The following SAMD5 variants were observed in gnomAD, a reference collection of about 807,000 sequenced individuals.
SAMD5 encodes sterile alpha motif domain containing 5, also known as sterile alpha motif domain-containing protein 5.
SAMD5 carries 13 observed loss-of-function variants against 11.3 expected under a neutral mutation model. The ratio of observed to expected loss-of-function variants is 1.15; its 90% CI spans 0.75 to 1.83. SAMD5 has a LOEUF of 1.83. Ranked by LOEUF, SAMD5 falls within the 40% of genes most tolerant of loss-of-function variation. The probability of loss-of-function intolerance (pLI) is 0.00; values close to 1 mark genes in which losing one functional copy is unlikely to be tolerated. For synonymous variants in SAMD5, 129 were observed against 111.3 expected, an observed-to-expected ratio of 1.16 and a Z score of -1.00; for missense variants, 255 against 239.1, an observed-to-expected ratio of 1.07 and a Z score of -0.44.
rs1420315417 is a variant in SAMD5 at position 147,566,434 on chromosome 6, G to A, written c.*1978G>A. 2 of 985,232 alleles carry A rather than the reference G, an allele frequency of 2.0e-6. No homozygotes were observed. Among genetic ancestry groups the A allele is most frequent in the African/African-American group, 1.7e-5 (1 of 57,182 alleles). 61.0% of individuals were successfully genotyped at this position (985,232 alleles called of 1,614,324 possible). A position where few individuals can be genotyped will look rare whatever the true frequency, so the allele number is the denominator to read the frequency against. ...GACCTCATTTCCAGGTGTCGCATCC[G>A]TGGCTGATTTATTTCACAGATGTAC... On this transcript the variant is annotated 3_prime_UTR_variant, in exon 2 of 2. Coordinates refer to ENST00000367474, the MANE Select transcript of SAMD5 (RefSeq NM_001030060.3).
At chr6:147,589,576 C>T (rs1335494147) in intron 1 of SAMD5, among the ~76,000 whole-genome samples, 2 of 152,164 alleles carry the variant, frequency 1.3e-5, no homozygotes, top group Non-Finnish European at 2.9e-5. Context: ...CTCATCTGAG[C>T]ACAGGGGAAT....
At chr6:147,808,188 T>G in the SAMD5 span, among the ~76,000 whole-genome samples, 1 of 152,190 alleles carries the variant, frequency 6.6e-6, no homozygotes, top group African/African-American at 2.4e-5. Flanking sequence ...ATAAATTTGG[T>G]CTTGCATTTC....
the SAMD5 span, among the ~76,000 whole-genome samples, chr6:147,744,757 G>A: frequency 1.3e-5 from 2 of 152,088 alleles, no homozygotes; most frequent in Non-Finnish European, 2.9e-5. Context: ...ATTTAGCTGG[G>A]TGTAGTGGCA....
chr6:147,798,827 C>T, the SAMD5 span, among the ~76,000 whole-genome samples: 12 of 152,220 alleles, frequency 7.9e-5, no homozygotes, highest in African/African-American at 2.4e-4. Flanking sequence ...ATGTAATGGC[C>T]TTCTTTGTCT....
chr6:147,917,568 C>G, the SAMD5 span, among the ~76,000 whole-genome samples: 30,345 of 151,806 alleles, frequency 0.2, 3,657 homozygotes, highest in South Asian at 0.43. Flanking sequence ...TTAATTAGAT[C>G]CCATTTGTCA....
intron 1 of SAMD5, among the ~76,000 whole-genome samples, chr6:147,613,372 A>G (rs1789815616): frequency 2.0e-5 from 3 of 151,804 alleles, no homozygotes; most frequent in Non-Finnish European, 4.4e-5. Flanking sequence ...ACTAAGAGAT[A>G]GTCTGATCCA....
At chr6:147,661,073 C>A (rs1043332773) in intron 1 of SAMD5, among the ~76,000 whole-genome samples, 5 of 151,988 alleles carry the variant, frequency 3.3e-5, no homozygotes, top group African/African-American at 7.3e-5. Flanking sequence ...TATTGGCTAC[C>A]GGTGTGAAAG....
the SAMD5 span, among the ~76,000 whole-genome samples, chr6:147,854,320 A>C: frequency 6.6e-6 from 1 of 152,202 alleles, no homozygotes; most frequent in African/African-American, 2.4e-5. Context: ...CACTGAAAAG[A>C]GCCTTCAGAG....
the SAMD5 span, among the ~76,000 whole-genome samples, chr6:147,782,455 A>T: frequency 1.3e-5 from 2 of 152,212 alleles, no homozygotes; most frequent in African/African-American, 2.4e-5. Context: ...ATGGATTATA[A>T]TGCAATAAAA....
chr6:147,660,399 C>A (rs1162486109), intron 1 of SAMD5, among the ~76,000 whole-genome samples: 3 of 152,174 alleles, frequency 2.0e-5, no homozygotes, highest in African/African-American at 7.2e-5. Context: ...CCTTGCCCTG[C>A]AGCCACCCTG....
At chr6:147,889,028 A>G in the SAMD5 span, among the ~76,000 whole-genome samples, 1 of 152,222 alleles carries the variant, frequency 6.6e-6, no homozygotes, top group Admixed American at 6.5e-5. Flanking sequence ...ACTACAAATC[A>G]AATTTGGAAA....
chr6:147,759,154 G>A, the SAMD5 span, among the ~76,000 whole-genome samples: 13 of 152,308 alleles, frequency 8.5e-5, no homozygotes, highest in African/African-American at 3.1e-4. Context: ...CACCTTAACT[G>A]ATATTTTGTG....
chr6:147,774,092 T>C, the SAMD5 span, among the ~76,000 whole-genome samples: 1 of 152,164 alleles, frequency 6.6e-6, no homozygotes, highest in African/African-American at 2.4e-5. Context: ...TCCTCCCATC[T>C]TGGCCTCCCA....
At chr6:147,888,345 G>A in the SAMD5 span, among the ~76,000 whole-genome samples, 1 of 151,852 alleles carries the variant, frequency 6.6e-6, no homozygotes, top group African/African-American at 2.4e-5. Flanking sequence ...AGGCCTGATA[G>A]TGATGAGTTC....
At chr6:147,522,922 C>T (rs1788276344) in intron 1 of SAMD5, among the ~76,000 whole-genome samples, 1 of 152,160 alleles carries the variant, frequency 6.6e-6, no homozygotes, top group Non-Finnish European at 1.5e-5. Flanking sequence ...GGGACAGAGA[C>T]TGTGAGGGGG....
chr6:147,645,101 T>C (rs920427315), intron 1 of SAMD5, among the ~76,000 whole-genome samples: 1 of 152,166 alleles, frequency 6.6e-6, no homozygotes, highest in Non-Finnish European at 1.5e-5. Flanking sequence ...CCCCGGACTT[T>C]AACAAGGAGA....
the SAMD5 span, among the ~76,000 whole-genome samples, chr6:147,880,154 G>T: frequency 1.3e-5 from 2 of 152,232 alleles, no homozygotes; most frequent in African/African-American, 2.4e-5. Flanking sequence ...TTCTCTAGAA[G>T]AAACTGAGAT....
At chr6:147,698,585 G>A (rs975103624) in intron 1 of SAMD5, among the ~76,000 whole-genome samples, 1 of 152,132 alleles carries the variant, frequency 6.6e-6, no homozygotes, top group Non-Finnish European at 1.5e-5. Flanking sequence ...CTATAGAGTA[G>A]TCATTTCATT....
intron 1 of SAMD5, among the ~76,000 whole-genome samples, chr6:147,539,702 G>GAA (rs201641945): frequency 7.0e-5 from 9 of 128,922 alleles, no homozygotes; most frequent in South Asian, 2.4e-4. Context: ...GTGGCAAGAT[G>GAA]AAAAAAAAAA....
Sources: allele counts gnomAD v4.1 joint callset (sites outside exome capture counted in the v4.1 genomes callset), GRCh38; gene constraint gnomAD v4.1.1; transcripts MANE v1.5; gene names NCBI Gene and HGNC (gene_info 2026-07-23, HGNC 2026-07-21).